Variants in DCAF6 observed in about 807,000 individuals in gnomAD.
DCAF6 encodes the protein DDB1 and CUL4 associated factor 6.
In DCAF6, 54 loss-of-function variants were observed where a neutral mutation model predicts 125.1. The ratio of observed to expected loss-of-function variants is 0.43; its 90% CI spans 0.35 to 0.54. The LOEUF (loss-of-function observed/expected upper bound fraction) is 0.54. Ranked by LOEUF, DCAF6 falls within the 20% of genes least tolerant of loss-of-function variation. The probability of loss-of-function intolerance (pLI) is 0.01; values close to 1 mark genes in which losing one functional copy is unlikely to be tolerated. For synonymous variants in DCAF6, 371 were observed against 390.4 expected, an observed-to-expected ratio of 0.95 and a Z score of 0.58; for missense variants, 934 against 1,161.7, an observed-to-expected ratio of 0.80 and a Z score of 2.85.
At chr1:167,956,811 CT>C (rs1323717380) in intron 2 of DCAF6, among the ~76,000 whole-genome samples, 1 of 151,966 alleles carries the variant, frequency 6.6e-6, no homozygotes, top group Non-Finnish European at 1.5e-5. Flanking sequence ...GTAATTTCTT[CT>C]TTGACCATCT....
intron 13 of DCAF6, among the ~76,000 whole-genome samples, chr1:168,040,614 TTAAGA>T (rs368936998): frequency 7.9e-4 from 120 of 152,082 alleles, no homozygotes; most frequent in African/African-American, 2.4e-3. Flanking sequence ...AATACATAAT[TTAAGA>T]TGACAGTAGG....
At chr1:168,070,804 C>G (rs996805917) in intron 21 of DCAF6, among the ~76,000 whole-genome samples, 1 of 152,174 alleles carries the variant, frequency 6.6e-6, no homozygotes, top group East Asian at 1.9e-4. Flanking sequence ...TTCTAGACTC[C>G]TCTAGAATGT....
At chr1:167,918,164 TTAAAA>T in the DCAF6 span, 9 of 562,120 alleles carry the variant, frequency 1.6e-5, no homozygotes, top group African/African-American at 1.5e-4. Flanking sequence ...GAGACTGTTA[TTAAAA>T]GTTTGCTGCA....
the DCAF6 span, chr1:167,903,813 G>A: frequency 9.3e-7 from 1 of 1,079,218 alleles, no homozygotes; most frequent in Middle Eastern, 2.0e-4. Context: ...TACTCTATCA[G>A]GTTATAATTG....
the DCAF6 span, among the ~76,000 whole-genome samples, chr1:167,888,510 T>C: frequency 6.6e-6 from 1 of 152,188 alleles, no homozygotes; most frequent in East Asian, 1.9e-4. Context: ...TACTTTATTT[T>C]ATTTTTAGCT....
At chr1:168,024,287 C>T (rs1421223247) in intron 12 of DCAF6, among the ~76,000 whole-genome samples, 2 of 151,014 alleles carry the variant, frequency 1.3e-5, no homozygotes, top group South Asian at 4.2e-4. Flanking sequence ...ACAAATGTTC[C>T]TTTCAAAAAC....
intron 12 of DCAF6, among the ~76,000 whole-genome samples, chr1:168,031,740 A>G (rs572099309): frequency 2.6e-4 from 40 of 152,240 alleles, no homozygotes; most frequent in Non-Finnish European, 5.0e-4. Flanking sequence ...CTGAGGAAAC[A>G]GTCATGAAAA....
chr1:167,901,883 T>C, the DCAF6 span: 2 of 1,601,584 alleles, frequency 1.2e-6, no homozygotes, highest in Middle Eastern at 1.7e-4. Context: ...GTATAGAAAC[T>C]TACTCATCAA....
chr1:167,887,544 G>A, the DCAF6 span, among the ~76,000 whole-genome samples: 20 of 152,002 alleles, frequency 1.3e-4, no homozygotes, highest in African/African-American at 2.2e-4. Flanking sequence ...AGGGCCTGTC[G>A]TGGGCTGGGG....
chr1:167,919,690 TA>T, the DCAF6 span, among the ~76,000 whole-genome samples: 1 of 152,222 alleles, frequency 6.6e-6, no homozygotes, highest in Non-Finnish European at 1.5e-5. Context: ...GTTAACCATC[TA>T]AATGATGCAC....
chr1:168,005,800 T>C (rs1683252874), intron 10 of DCAF6, among the ~76,000 whole-genome samples: 1 of 152,144 alleles, frequency 6.6e-6, no homozygotes, highest in Non-Finnish European at 1.5e-5. Context: ...TCAGTTTCTA[T>C]GGGAATAAAA....
In DCAF6 at chr1:168,045,236, A is replaced by AT; in HGVS notation, c.2258+14dup. On this transcript the variant is annotated intron_variant, in intron 16 of 21. Transcript: ENST00000367840. Reference sequence around the variant, plus strand: ...GCAGGACCTGGTGATAGGTTGGTAAATTTTTAATTAACATGAACTGTAAAA... The same window carrying AT: ...GCAGGACCTGGTGATAGGTTGGTAAATTTTTTAATTAACATGAACTGTAAAA... 1 of 1,578,998 alleles carries AT rather than the reference A, an allele frequency of 6.3e-7. No individual in the cohort carries two copies. Among genetic ancestry groups the AT allele is most frequent in the Non-Finnish European group, 8.6e-7 (1 of 1,165,318 alleles).
chr1:167,993,680 C>T (rs975130109), intron 7 of DCAF6, among the ~76,000 whole-genome samples: 2 of 152,004 alleles, frequency 1.3e-5, no homozygotes, highest in African/African-American at 2.4e-5. Flanking sequence ...ACCCGGGAGG[C>T]GGAGGTTGTG....
At chr1:167,945,955 G>GTTTTTT (rs1238443018) in intron 1 of DCAF6, among the ~76,000 whole-genome samples, 2 of 123,946 alleles carry the variant, frequency 1.6e-5, no homozygotes, top group East Asian at 2.2e-4. Context: ...AAATCTAAGG[G>GTTTTTT]TTTTTTTTTT....
chr1:167,895,073 T>C, the DCAF6 span, among the ~76,000 whole-genome samples: 1 of 150,958 alleles, frequency 6.6e-6, no homozygotes, highest in Non-Finnish European at 1.5e-5. Flanking sequence ...TCCCAGCTAC[T>C]CAGGAGGCTG....
At chr1:167,937,140 G>C in intron 1 of DCAF6, 132 bp downstream of exon 1, 1 of 736,966 alleles carries the variant, frequency 1.4e-6, no homozygotes, top group Non-Finnish European at 2.3e-6. Flanking sequence ...TGTTGGGTGG[G>C]GCCTTGGTTG....
intron 12 of DCAF6, among the ~76,000 whole-genome samples, chr1:168,033,287 G>A (rs540709907): frequency 5.4e-5 from 8 of 149,380 alleles, no homozygotes; most frequent in Non-Finnish European, 8.9e-5. Context: ...GTCTCTAGTA[G>A]CATTTCTGAA....
intron 11 of DCAF6, among the ~76,000 whole-genome samples, chr1:168,016,923 A>T (rs1685051771): frequency 6.6e-6 from 1 of 152,074 alleles, no homozygotes; most frequent in Admixed American, 6.5e-5. Context: ...GAACTAATTT[A>T]TATATTGGTA....
the DCAF6 span, among the ~76,000 whole-genome samples, chr1:167,898,232 C>T: frequency 6.6e-6 from 1 of 151,724 alleles, no homozygotes. Context: ...TATGGAAACT[C>T]TGTATTATTT....
Sources: allele counts gnomAD v4.1 joint callset (sites outside exome capture counted in the v4.1 genomes callset), GRCh38; gene constraint gnomAD v4.1.1; transcripts MANE v1.5; gene names NCBI Gene and HGNC (gene_info 2026-07-23, HGNC 2026-07-21).